Variants in ARMCX4 observed in about 807,000 individuals in gnomAD.
The protein encoded by ARMCX4 is armadillo repeat-containing X-linked protein 4.
ARMCX4 carries 3 observed loss-of-function variants against 34.7 expected under a neutral mutation model. The ratio of observed to expected loss-of-function variants is 0.09; its 90% CI spans 0.04 to 0.22. The LOEUF is 0.22. ARMCX4 is among the 10% of genes least tolerant of loss of function. The pLI is 1.00. For synonymous variants in ARMCX4, 513 were observed against 632.8 expected, an observed-to-expected ratio of 0.81 and a Z score of 2.84; for missense variants, 1,448 against 1,720.8, an observed-to-expected ratio of 0.84 and a Z score of 2.81.
At chrX:101,423,357 C>T (rs782622878) in intron 2 of ARMCX4, among the ~76,000 whole-genome samples, 26 of 108,819 alleles carry the variant, frequency 2.4e-4, no homozygotes, top group African/African-American at 8.3e-4. Flanking sequence ...GTGGCTCACG[C>T]TTGTAATCCC....
At chrX:101,498,135 C>T (rs782216407), downstream of ARMCX4, 44 of 328,075 alleles carry the variant, frequency 1.3e-4, no homozygotes, top group South Asian at 1.2e-3. Flanking sequence ...CCTTCTTTTC[C>T]CTTCCACAGG....
At chrX:101,534,325 T>G (rs782464867), downstream of ARMCX4, among the ~76,000 whole-genome samples, 1 of 111,840 alleles carries the variant, frequency 8.9e-6, no homozygotes, top group South Asian at 3.7e-4. Flanking sequence ...TTATAAATTA[T>G]GTGCAACACA....
chrX:101,490,562 C>T lies in ARMCX4; in HGVS notation c.1973C>T (p.Ala658Val). 1 of 1,156,168 alleles carries T rather than the reference C, an allele frequency of 8.6e-7. No individual in the cohort carries two copies. Among genetic ancestry groups the T allele is most frequent in the Non-Finnish European group, 1.1e-6 (1 of 872,920 alleles). ...VKGNPNVVLK[A>V]EVGEGAMGTA... is the part of the protein sequence containing the mutation. ...GGTAATCCCAATGTTGTGCTTAAGGCAGAAGTTGGGGAAGGTGCAATGGGC... is the reference window on the plus strand; with the variant it reads ...GGTAATCCCAATGTTGTGCTTAAGGTAGAAGTTGGGGAAGGTGCAATGGGC... Residue 658 changes from alanine to valine, a missense_variant, in exon 6 of 6, where the codon GCA becomes GTA. Physicochemically the swap from Ala to Val is moderately conservative, Grantham distance 64. Transcript: ENST00000423738.
At chrX:101,487,314 G>A (rs926286182) in intron 3 of ARMCX4, 42 bp downstream of exon 3, 6 of 143,171 alleles carry the variant, frequency 4.2e-5, no homozygotes, top group Non-Finnish European at 8.2e-5. Flanking sequence ...TGACAAGAGA[G>A]GGTGGGCATA....
Position 101,464,464 on chromosome X carries a change from A to G in ARMCX4, c.-473+18420A>G, listed in dbSNP as rs547259182. The stretch of plus-strand genomic sequence containing the variant: ...AGAGAGAGAATGGGAATGAACACCC[A>G]CAATACCACAACTAGAACAGCCCAT... On this transcript the variant is annotated intron_variant and NMD_transcript_variant, in intron 4 of 15. Transcript: ENST00000433011. 2.0e-4 allele frequency among the ~76,000 whole-genome samples: 22 copies of G among 112,082 alleles called. No homozygotes were observed. The South Asian group carries it at 7.4e-3, about 38-fold the overall frequency.
At chrX:101,500,275 A>G (rs1934267185), downstream of ARMCX4, among the ~76,000 whole-genome samples, 2 of 111,297 alleles carry the variant, frequency 1.8e-5, no homozygotes, top group African/African-American at 6.5e-5. Flanking sequence ...CTCTGAATGT[A>G]TAATTGGAAT....
downstream of ARMCX4, among the ~76,000 whole-genome samples, chrX:101,448,754 G>A (rs1033602767): frequency 1.6e-4 from 18 of 109,838 alleles, no homozygotes; most frequent in African/African-American, 5.6e-4. Flanking sequence ...CACCATGCCC[G>A]GCTAATTTTT....
At chrX:101,481,508 T>C (rs1933448841), upstream of ARMCX4, among the ~76,000 whole-genome samples, 1 of 111,874 alleles carries the variant, frequency 8.9e-6, no homozygotes, top group African/African-American at 3.3e-5. Flanking sequence ...ATAAGTTTAT[T>C]TGAACATGAC....
At position 101,492,022 on chromosome X, in the gene ARMCX4, A is replaced by G. The variant is rs1250198340; in HGVS notation, c.3433A>G (p.Ser1145Gly). Residue 1145 changes from serine to glycine, a missense_variant, in exon 6 of 6, where the codon AGT becomes GGT. Around this residue, in one of 2 missense-constraint regions of ARMCX4, gnomAD observed 1,343 missense variants for 1,540.7 expected, o/e 0.87. Transcript: ENST00000423738. ...CAGTATTGGGTCCTGGAGTGGGGCT[A>G]GTGATAAGGCTGGGATTATTCGGTC... The part of the protein sequence containing the change: ...EASIGSWSGA[S>G]DKAGIIRSWA... 2.6e-6 allele frequency: 3 copies of G among 1,153,815 alleles called. No homozygotes were observed. The highest frequency in any genetic ancestry group is 3.8e-5 in the South Asian group (2 of 52,573).
intron 4 of ARMCX4, among the ~76,000 whole-genome samples, chrX:101,478,625 A>C (rs1933301108): frequency 8.9e-6 from 1 of 111,969 alleles, no homozygotes; most frequent in South Asian, 3.8e-4. Context: ...CAGGAAGCAC[A>C]AGACAAAGAA....
At chrX:101,455,504 T>A (rs1320196568) in intron 4 of ARMCX4, among the ~76,000 whole-genome samples, 1 of 111,650 alleles carries the variant, frequency 9.0e-6, no homozygotes, top group Non-Finnish European at 1.9e-5. Context: ...TGACACAATT[T>A]TAGATTATTA....
intron 11 of ARMCX4, among the ~76,000 whole-genome samples, chrX:101,529,415 A>G: frequency 8.9e-6 from 1 of 112,254 alleles, no homozygotes; most frequent in Admixed American, 9.5e-5. Flanking sequence ...TTCAGGACGT[A>G]GGCATAGTCA....
chrX:101,527,225 A>G (rs1934996443), intron 11 of ARMCX4, among the ~76,000 whole-genome samples: 1 of 112,165 alleles, frequency 8.9e-6, no homozygotes, highest in African/African-American at 3.2e-5. Flanking sequence ...CCTTCTCCTG[A>G]ATGACTACTG....
chrX:101,426,425 G>T (rs782184244), intron 2 of ARMCX4, among the ~76,000 whole-genome samples: 1 of 111,265 alleles, frequency 9.0e-6, no homozygotes, highest in Admixed American at 9.6e-5. Flanking sequence ...CCCCAACCCC[G>T]TTATTTTTTC....
downstream of ARMCX4, among the ~76,000 whole-genome samples, chrX:101,451,497 G>T (rs1931984990): frequency 8.9e-6 from 1 of 112,075 alleles, no homozygotes; most frequent in Non-Finnish European, 1.9e-5. Flanking sequence ...CCTCTTCAGT[G>T]CCTCTTTCAG....
Position 101,487,564 on chromosome X carries a change from G to A in ARMCX4, c.-286-44G>A, listed in dbSNP as rs2361298. 474,352 of 754,688 alleles carry A rather than the reference G, an allele frequency of 0.63. 114,319 individuals carry two copies. Among genetic ancestry groups the A allele is most frequent in the Non-Finnish European group, 0.68 (386,168 of 566,230 alleles). The allele number at this position is 754,688 out of a possible 1,213,427, so 62.2% of individuals were successfully genotyped here. ...ATCAGGTTGCTTGTCTGTTCTACCA[G>A]GGACTCGGTTTCCATTACCTACTGT... On this transcript the variant is annotated intron_variant, in intron 3 of 5. Coordinates refer to ENST00000423738, the MANE Select transcript of ARMCX4 (RefSeq NM_001256155.3).
intron 4 of ARMCX4, among the ~76,000 whole-genome samples, chrX:101,468,466 AT>A (rs1213250297): frequency 2.0e-5 from 2 of 102,220 alleles, no homozygotes; most frequent in South Asian, 4.5e-4. Context: ...TAATTTTTGT[AT>A]TTTTTTGTGG....
At chrX:101,521,941 G>C (rs1156242524) in intron 11 of ARMCX4, among the ~76,000 whole-genome samples, 2 of 111,428 alleles carry the variant, frequency 1.8e-5, no homozygotes, top group Non-Finnish European at 3.8e-5. Context: ...CCTGAAGAAT[G>C]TTCCATGTGT....
chrX:101,491,071 G>C lies in ARMCX4; in HGVS notation c.2482G>C (p.Ala828Pro), dbSNP rs781880213. 23 of 1,153,752 alleles carry C rather than the reference G, an allele frequency of 2.0e-5. No individual in the cohort carries two copies. The African/African-American group carries it at 2.7e-4, about 14-fold the overall frequency. The change falls in exon 6 of 6, where the codon GCC becomes CCC. Residue 828 changes from alanine (A) to proline (P), a missense_variant. By Grantham distance (27) the Ala-to-Pro change is conservative (BLOSUM62 -1). Transcript: ENST00000423738. Reference protein sequence around the residue: ...AGAGMDTRGSAQPQAVANSQG... With the variant: ...AGAGMDTRGSPQPQAVANSQG... ...GGCTGGGATGGATACAAGGGGCTCT[G>C]CCCAGCCCCAGGCTGTGGCCAATTC...
Sources: gnomAD v4.1 joint callset for allele counts (sites outside exome capture counted in the v4.1 genomes callset) on GRCh38, gnomAD v4.1.1 for gene constraint, gnomAD v4.1.1 regional missense constraint, MANE v1.5 for transcripts, NCBI Gene and HGNC (gene_info 2026-07-23, HGNC 2026-07-21) for gene names.